NAV2: variants seen among roughly 807,000 people sequenced by gnomAD.
The protein encoded by NAV2 is helicase, APC down-regulated 1.
In NAV2, 54 loss-of-function variants were observed where a neutral mutation model predicts 223.2. The ratio of observed to expected loss-of-function variants is 0.24; its 90% confidence interval spans 0.19 to 0.30. NAV2 has a LOEUF of 0.30. NAV2 is among the 10% of genes least tolerant of loss of function. The pLI is 1.00. For missense variants in NAV2, 2,806 were observed against 3,147.5 expected (o/e 0.89, Z 2.60); for synonymous variants, 1,279 against 1,239.3 (o/e 1.03, Z -0.67).
intron 3 of NAV2, 137 bp from the exon 4 acceptor site, chr11:19,868,788 C>CA: frequency 2.7e-6 from 2 of 736,010 alleles, no homozygotes; most frequent in South Asian, 3.6e-5. Flanking sequence ...CAAGTACAGA[C>CA]AAAAGAGAGT....
intron 1 of NAV2, among the ~76,000 whole-genome samples, chr11:19,550,807 A>G (rs2044665821): frequency 2.0e-5 from 3 of 152,212 alleles, no homozygotes; most frequent in Admixed American, 2.0e-4. Flanking sequence ...GCTTTCCATA[A>G]AACACGCCCA....
intron 1 of NAV2, among the ~76,000 whole-genome samples, chr11:19,474,414 T>C (rs1456411670): frequency 6.6e-6 from 1 of 152,268 alleles, no homozygotes; most frequent in South Asian, 2.1e-4. Context: ...GTGTGAAAGA[T>C]GTGTACACTA....
chr11:19,405,407 A>G (rs930427856), intron 1 of NAV2, among the ~76,000 whole-genome samples: 1 of 152,208 alleles, frequency 6.6e-6, no homozygotes, highest in African/African-American at 2.4e-5. Flanking sequence ...CCTTCATGAT[A>G]AATGATCCCT....
At chr11:19,690,648 T>C (rs79871313) in intron 1 of NAV2, among the ~76,000 whole-genome samples, 31 of 152,344 alleles carry the variant, frequency 2.0e-4, no homozygotes, top group Non-Finnish European at 1.6e-4. Context: ...CATATGTGAA[T>C]AGGACTGATG....
intron 1 of NAV2, among the ~76,000 whole-genome samples, chr11:19,588,866 A>G (rs531103980): frequency 6.6e-6 from 1 of 152,288 alleles, no homozygotes; most frequent in Non-Finnish European, 1.5e-5. Flanking sequence ...AGAGGGGGAA[A>G]AAGAAGCCTG....
At chr11:19,740,473 G>T (rs981343787) in intron 1 of NAV2, among the ~76,000 whole-genome samples, 1 of 152,072 alleles carries the variant, frequency 6.6e-6, no homozygotes, top group Non-Finnish European at 1.5e-5. Flanking sequence ...CTTTGTTCAC[G>T]TGTTTATCTG....
At chr11:19,711,069 G>A (rs2049850878), upstream of NAV2, 1 of 152,240 alleles carries the variant, frequency 6.6e-6, no homozygotes, top group Non-Finnish European at 1.5e-5. Flanking sequence ...TAAGTAGCAT[G>A]AATGATGTGT....
intron 12 of NAV2, 29 bp downstream of exon 12, chr11:20,036,126 TCCAGCAGCCTCTGGCAGCA>T (rs1312452930): frequency 1.2e-6 from 2 of 1,613,530 alleles, no homozygotes; most frequent in Admixed American, 3.3e-5. Flanking sequence ...CCCAGGCTCC[TCCAGCAGCCTCTGGCAGCA>T]GGGAACCTTG....
At chr11:19,395,486 C>G (rs556692217) in intron 1 of NAV2, among the ~76,000 whole-genome samples, 10 of 152,328 alleles carry the variant, frequency 6.6e-5, no homozygotes, top group Middle Eastern at 3.4e-3. Context: ...AGGGCAGTAC[C>G]TGTAGCTTGT....
At chr11:19,398,562 G>A (rs992196669) in intron 1 of NAV2, among the ~76,000 whole-genome samples, 8 of 151,882 alleles carry the variant, frequency 5.3e-5, no homozygotes, top group African/African-American at 1.9e-4. Flanking sequence ...TTACACTCTG[G>A]CTTGTTGGTC....
Position 20,095,874 on chromosome 11 carries a change from G to A in NAV2, c.6012+107G>A, listed in dbSNP as rs143219478. On this transcript the variant is annotated intron_variant, in intron 30 of 37. Coordinates refer to ENST00000349880, the MANE Select transcript of NAV2 (RefSeq NM_145117.5). ...CTGAGCTTGGCCATTTCTCAGACCT[G>A]TCCCCTTCCCTACATGTTAATGTTG... The A allele has an allele frequency of 4.6e-3, 3,613 of 784,242 alleles. 46 individuals carry two copies. The highest frequency in any genetic ancestry group is 0.024 in the South Asian group (1,654 of 67,542). 48.6% of individuals were successfully genotyped at this position (784,242 alleles called of 1,614,324 possible). A position where few individuals can be genotyped will look rare whatever the true frequency, so the allele number is the denominator to read the frequency against.
rs139403267 is a variant in NAV2, at chr11:19,871,858, G to A, written c.511+2861G>A. Reference sequence around the variant, plus strand: ...CTTCTTGCCAGCACCCCCACTTTGAGCGATTCTTAGAGCTACCACTCCCTT... The same window carrying A: ...CTTCTTGCCAGCACCCCCACTTTGAACGATTCTTAGAGCTACCACTCCCTT... On this transcript the variant is annotated intron_variant, in intron 4 of 37. Coordinates refer to ENST00000349880, the MANE Select transcript of NAV2 (RefSeq NM_145117.5). Among the ~76,000 whole-genome samples the A allele has an allele frequency of 1.4e-3, 216 of 152,236 alleles. 4 individuals carry two copies. The South Asian group carries it at 0.022, about 16-fold the overall frequency.
At chr11:20,054,273 C>A (rs773944748) in intron 18 of NAV2, 33 bp downstream of exon 18, 5 of 1,575,928 alleles carry the variant, frequency 3.2e-6, no homozygotes, top group Non-Finnish European at 4.3e-6. Context: ...CTATGTTGAT[C>A]AGCTCCACAG....
At chr11:20,108,390 G>A (rs183215384) in intron 36 of NAV2, among the ~76,000 whole-genome samples, 24 of 152,186 alleles carry the variant, frequency 1.6e-4, no homozygotes, top group Admixed American at 1.2e-3. Context: ...TAGGAACTTC[G>A]GGGCCCATAA....
At chr11:19,365,638 C>T (rs1848251832) in intron 1 of NAV2, among the ~76,000 whole-genome samples, 1 of 152,214 alleles carries the variant, frequency 6.6e-6, no homozygotes, top group Admixed American at 6.5e-5. Context: ...CAATTAGACT[C>T]TAAGATGCTA....
At chr11:19,749,793 G>A (rs2053655508) in intron 1 of NAV2, among the ~76,000 whole-genome samples, 1 of 152,224 alleles carries the variant, frequency 6.6e-6, no homozygotes, top group Admixed American at 6.5e-5. Flanking sequence ...CCTTGAGAAG[G>A]AATTCAGGCT....
At chr11:19,680,982 C>T (rs145716513) in intron 1 of NAV2, among the ~76,000 whole-genome samples, 3 of 152,338 alleles carry the variant, frequency 2.0e-5, no homozygotes, top group East Asian at 1.9e-4. Context: ...CAGCACTTAG[C>T]GGGTGCCAGG....
chr11:19,971,837 G>A (rs1410066293), intron 10 of NAV2, among the ~76,000 whole-genome samples: 1 of 152,150 alleles, frequency 6.6e-6, no homozygotes, highest in Non-Finnish European at 1.5e-5. Flanking sequence ...CAAGTAGCTG[G>A]GATTACAGGC....
chr11:20,113,844 T>TA (rs36006119), intron 36 of NAV2, among the ~76,000 whole-genome samples: 8,216 of 151,172 alleles, frequency 0.054, 238 homozygotes, highest in African/African-American at 0.058. Flanking sequence ...TCCCATCTCT[T>TA]AAAAAAAAAT....
Sources: allele counts gnomAD v4.1 joint callset (sites outside exome capture counted in the v4.1 genomes callset), GRCh38; gene constraint gnomAD v4.1.1; transcripts MANE v1.5; gene names NCBI Gene and HGNC (gene_info 2026-07-23, HGNC 2026-07-21).